Variants in PTPRE observed in about 807,000 individuals in gnomAD.
The protein encoded by PTPRE is receptor-type tyrosine-protein phosphatase epsilon.
A neutral mutation model predicts 102.0 loss-of-function variants in PTPRE; 51 were observed. The ratio of observed to expected loss-of-function variants is 0.50; its 90% confidence interval spans 0.40 to 0.63. The LOEUF is 0.63. Ranked by LOEUF, PTPRE falls within the 30% of genes least tolerant of loss-of-function variation. The probability of loss-of-function intolerance (pLI) is 0.00; values close to 1 mark genes in which losing one functional copy is unlikely to be tolerated. For missense variants in PTPRE, 752 were observed against 915.1 expected (o/e 0.82, Z 2.30); for synonymous variants, 345 against 348.2 (o/e 0.99, Z 0.10).
intron 2 of PTPRE, among the ~76,000 whole-genome samples, chr10:128,012,443 G>C (rs1845099760): frequency 6.6e-6 from 1 of 152,174 alleles, no homozygotes; most frequent in African/African-American, 2.4e-5. Flanking sequence ...AGTGTCACCT[G>C]CTACCCTTGC....
intron 1 of PTPRE, among the ~76,000 whole-genome samples, chr10:127,919,864 G>A (rs1303642827): frequency 1.3e-5 from 2 of 152,024 alleles, no homozygotes; most frequent in African/African-American, 4.8e-5. Flanking sequence ...GAATGAATGG[G>A]CAGTGCTGGG....
chr10:127,918,506 C>T (rs946203638), intron 1 of PTPRE, among the ~76,000 whole-genome samples: 3 of 150,726 alleles, frequency 2.0e-5, no homozygotes, highest in Admixed American at 1.3e-4. Context: ...TTGCAGTGAG[C>T]CGAGATCACG....
At position 128,008,757 on chromosome 10, in the gene PTPRE, C is replaced by A. The variant is rs550771598; in HGVS notation, c.-8+26461C>A. On this transcript the variant is annotated intron_variant, in intron 2 of 20. Transcript: ENST00000254667. The surrounding 1 kb of genome is among the most constrained non-coding windows in gnomAD (Gnocchi z 4.0). ...AGAGCTGCCAGCCCTTTCTCAGAAG[C>A]ACATCAGCTGAATAAATGCACCAAA... Among the ~76,000 whole-genome samples the A allele has an allele frequency of 4.6e-5, 7 of 152,320 alleles. 1 individual carries two copies. In the South Asian group the frequency reaches 1.5e-3, roughly 32 times the overall value.
chr10:127,937,375 T>C (rs1847910455), intron 1 of PTPRE, among the ~76,000 whole-genome samples: 1 of 152,146 alleles, frequency 6.6e-6, no homozygotes, highest in African/African-American at 2.4e-5. Context: ...TTGCCCAAAT[T>C]AAACCATGAG....
chr10:128,077,559 G>A (rs1157682240), intron 18 of PTPRE, 58 bp from the exon 19 acceptor site: 20 of 1,552,878 alleles, frequency 1.3e-5, no homozygotes, highest in Non-Finnish European at 1.7e-5. Context: ...GGGCAGATGG[G>A]GCTGGGGCCT....
At chr10:128,026,796 C>T (rs1442432131) in intron 2 of PTPRE, among the ~76,000 whole-genome samples, 1 of 152,214 alleles carries the variant, frequency 6.6e-6, no homozygotes, top group African/African-American at 2.4e-5. Flanking sequence ...GCCAGCTCAC[C>T]GTGGCTACAT....
chr10:128,063,557 T>A (rs1171696411), intron 10 of PTPRE, among the ~76,000 whole-genome samples: 4 of 152,244 alleles, frequency 2.6e-5, no homozygotes, highest in African/African-American at 4.8e-5. Flanking sequence ...TCGCGCTTAT[T>A]ATCCAGACTA....
intron 1 of PTPRE, among the ~76,000 whole-genome samples, chr10:127,959,796 T>C (rs1417844050): frequency 2.0e-5 from 3 of 152,188 alleles, no homozygotes; most frequent in African/African-American, 7.2e-5. Flanking sequence ...TCCCTGACTG[T>C]AAAGTGCAAA....
At chr10:127,980,245 G>A (rs545147843) in intron 1 of PTPRE, among the ~76,000 whole-genome samples, 20 of 152,064 alleles carry the variant, frequency 1.3e-4, no homozygotes, top group South Asian at 4.1e-4. Context: ...GATTTTCCCC[G>A]GTTGTTTTAT....
intron 17 of PTPRE, among the ~76,000 whole-genome samples, chr10:128,074,158 A>G (rs74901619): frequency 0.063 from 9,655 of 152,272 alleles, 410 homozygotes; most frequent in Middle Eastern, 0.095. Context: ...TCTGGACATT[A>G]TTATAAATGG....
chr10:127,966,645 C>T (rs1247385838), intron 1 of PTPRE, among the ~76,000 whole-genome samples: 3 of 152,154 alleles, frequency 2.0e-5, no homozygotes, highest in African/African-American at 7.2e-5. Flanking sequence ...TCACCCCACC[C>T]GCCACCCCAA....
chr10:128,063,538 A>G (rs1564949010), intron 10 of PTPRE, among the ~76,000 whole-genome samples: 1 of 152,250 alleles, frequency 6.6e-6, no homozygotes, highest in Non-Finnish European at 1.5e-5. Context: ...GCTAGAAATG[A>G]ACATGATTTC....
intron 1 of PTPRE, among the ~76,000 whole-genome samples, chr10:127,950,964 G>A (rs1433019414): frequency 6.6e-6 from 1 of 152,070 alleles, no homozygotes; most frequent in African/African-American, 2.4e-5. Context: ...GGGCATCGTG[G>A]CGGGCGCCTA....
chr10:128,077,921 A>C, intron 19 of PTPRE, 138 bp downstream of exon 19: 3 of 852,214 alleles, frequency 3.5e-6, no homozygotes, highest in African/African-American at 1.7e-5. Flanking sequence ...ACCTCTCCTT[A>C]CACACATGCA....
intron 2 of PTPRE, among the ~76,000 whole-genome samples, chr10:128,016,588 G>A (rs552575605): frequency 7.9e-5 from 12 of 151,156 alleles, no homozygotes; most frequent in East Asian, 2.0e-4. Flanking sequence ...GGCTGACGGC[G>A]GTGAGCAGAG....
At chr10:128,024,735 G>A (rs1017233257) in intron 2 of PTPRE, among the ~76,000 whole-genome samples, 1 of 152,192 alleles carries the variant, frequency 6.6e-6, no homozygotes, top group African/African-American at 2.4e-5. Context: ...CAGGCAGGGA[G>A]CCCCAGGAGG....
Position 127,907,439 on chromosome 10 carries a change from C to G in PTPRE, c.-31+130C>G. 2 of 666,652 alleles carry G rather than the reference C, an allele frequency of 3.0e-6. No homozygotes were observed. Among genetic ancestry groups the G allele is most frequent in the Non-Finnish European group, 3.7e-6 (2 of 539,764 alleles). The allele number at this position is 666,652 out of a possible 1,614,324, so 41.3% of individuals were successfully genotyped here. On this transcript the variant is annotated intron_variant, in intron 1 of 20. Coordinates refer to ENST00000254667, the MANE Select transcript of PTPRE (RefSeq NM_006504.6). This position sits in a 1 kb window ranked among gnomAD's most constrained non-coding sequence, Gnocchi z 4.8. ...AGGGGCCGCTCCGGGGCTCAGAGTC[C>G]GGACCCCGGCCCCGCCGCCCCCGCG...
intron 1 of PTPRE, among the ~76,000 whole-genome samples, chr10:127,916,387 T>C (rs2135154173): frequency 6.6e-6 from 1 of 152,238 alleles, no homozygotes; most frequent in East Asian, 1.9e-4. Flanking sequence ...CCTGTCGCCT[T>C]GTGAAGAAGG....
chr10:127,975,983 A>G (rs1471739851), intron 1 of PTPRE, among the ~76,000 whole-genome samples: 1 of 152,070 alleles, frequency 6.6e-6, no homozygotes, highest in Admixed American at 6.6e-5. Context: ...GGATGCAGTG[A>G]TCCCTGTTGG....
Sources: allele counts gnomAD v4.1 joint callset (sites outside exome capture counted in the v4.1 genomes callset), GRCh38; gene constraint gnomAD v4.1.1; non-coding constraint Gnocchi (gnomAD v3.1); transcripts MANE v1.5; gene names NCBI Gene and HGNC (gene_info 2026-07-23, HGNC 2026-07-21).